RIMBP2: variants seen among roughly 807,000 people sequenced by gnomAD.
The protein encoded by RIMBP2 is RIMS-binding protein 2.
RIMBP2 carries 48 observed loss-of-function variants against 118.6 expected under a neutral mutation model. The ratio of observed to expected loss-of-function variants is 0.40; its 90% CI spans 0.32 to 0.51. RIMBP2 has a LOEUF of 0.51. Among genes scored for constraint, RIMBP2 ranks in the 20% least tolerant of loss-of-function variants. The pLI is 0.41. For synonymous variants in RIMBP2, 762 were observed against 742.9 expected (o/e 1.03, Z -0.42); for missense variants, 1,551 against 1,768.3 (o/e 0.88, Z 2.20).
At chr12:130,415,637 T>C (rs1404298057) in intron 17 of RIMBP2, among the ~76,000 whole-genome samples, 1 of 78,606 alleles carries the variant, frequency 1.3e-5, no homozygotes, top group Non-Finnish European at 3.3e-5. Context: ...ACGGCATCCA[T>C]ATAGGAAACA....
At chr12:130,451,891 T>C (rs1157314761) in intron 7 of RIMBP2, among the ~76,000 whole-genome samples, 1 of 152,204 alleles carries the variant, frequency 6.6e-6, no homozygotes, top group Non-Finnish European at 1.5e-5. Context: ...CTGTCACTTA[T>C]GACCCTGAGT....
At chr12:130,580,969 A>G (rs201403836) in intron 2 of RIMBP2, among the ~76,000 whole-genome samples, 3 of 150,412 alleles carry the variant, frequency 2.0e-5, no homozygotes, top group East Asian at 1.9e-4. Context: ...GTGTGTGTGT[A>G]TGTATATATA....
Position 130,535,742 on chromosome 12 carries a change from T to C in RIMBP2, c.-216-17825A>G, listed in dbSNP as rs879649558. Among the ~76,000 whole-genome samples, 80 of 23,108 alleles carry C rather than the reference T, an allele frequency of 3.5e-3. 1 individual carries two copies. The highest frequency in any genetic ancestry group is 7.4e-3 in the African/African-American group (64 of 8,634). The allele number at this position is 23,108 out of a possible 152,430, so 15.2% of individuals were successfully genotyped here. Reference sequence around the variant, plus strand: ...ACATATATATACATATATATACATATATATATATATATATATATATATATA... The same window carrying C: ...ACATATATATACATATATATACATACATATATATATATATATATATATATA... On this transcript the variant is annotated intron_variant, in intron 2 of 22. Coordinates refer to ENST00000690449, the MANE Select transcript of RIMBP2 (RefSeq NM_001393629.1).
At chr12:130,645,354 A>G (rs1389352394) in intron 1 of RIMBP2, among the ~76,000 whole-genome samples, 4 of 152,150 alleles carry the variant, frequency 2.6e-5, no homozygotes, top group Non-Finnish European at 5.9e-5. Flanking sequence ...CCCAAAACCA[A>G]CTTCTATTAT....
At chr12:130,610,551 C>CCT (rs1232222327) in intron 2 of RIMBP2, among the ~76,000 whole-genome samples, 2 of 81,548 alleles carry the variant, frequency 2.5e-5, no homozygotes, top group East Asian at 3.4e-4. Context: ...AATTTTCCTG[C>CCT]TTTTTTTTTT....
At chr12:130,477,494 G>T (rs1034516167) in intron 5 of RIMBP2, among the ~76,000 whole-genome samples, 1 of 152,148 alleles carries the variant, frequency 6.6e-6, no homozygotes, top group Admixed American at 6.5e-5. Flanking sequence ...ATTCCTGCCC[G>T]TGTCCCAGCA....
At chr12:130,497,875 A>T (rs1406435039) in intron 4 of RIMBP2, among the ~76,000 whole-genome samples, 1 of 152,232 alleles carries the variant, frequency 6.6e-6, no homozygotes, top group African/African-American at 2.4e-5. Flanking sequence ...GGTTAAATGC[A>T]ACAAGGAGTG....
At chr12:130,496,725 G>A (rs1261398683) in intron 4 of RIMBP2, among the ~76,000 whole-genome samples, 2 of 152,108 alleles carry the variant, frequency 1.3e-5, no homozygotes, top group Non-Finnish European at 2.9e-5. Flanking sequence ...CCTCCTTCAG[G>A]CACACCTTTC....
At chr12:130,486,684 C>T (rs1182413854) in intron 4 of RIMBP2, among the ~76,000 whole-genome samples, 3 of 151,334 alleles carry the variant, frequency 2.0e-5, no homozygotes, top group African/African-American at 2.4e-5. Context: ...CCCCCTTTCC[C>T]GCCTTGTTCA....
intron 3 of RIMBP2, among the ~76,000 whole-genome samples, chr12:130,514,454 A>C (rs1330211358): frequency 6.6e-6 from 1 of 152,050 alleles, no homozygotes; most frequent in Non-Finnish European, 1.5e-5. Context: ...TGGGACCCCC[A>C]CCTCCGCCGG....
intron 1 of RIMBP2, among the ~76,000 whole-genome samples, chr12:130,640,119 G>A (rs893613215): frequency 6.6e-5 from 10 of 152,092 alleles, no homozygotes; most frequent in African/African-American, 1.9e-4. Flanking sequence ...TGTTATTCTC[G>A]ATCACAGACA....
At chr12:130,685,712 A>G (rs967286579) in intron 1 of RIMBP2, among the ~76,000 whole-genome samples, 10 of 152,104 alleles carry the variant, frequency 6.6e-5, no homozygotes. Context: ...TATGTTCTAA[A>G]AGCAGATCAC....
intron 12 of RIMBP2, 81 bp from the exon 13 acceptor site, chr12:130,437,372 C>T (rs1319907740): frequency 1.7e-6 from 2 of 1,168,884 alleles, no homozygotes; most frequent in Non-Finnish European, 2.4e-6. Flanking sequence ...CAGTCCTCTG[C>T]CCAGAGGCCA....
At chr12:130,614,152 C>T (rs2060751574) in intron 2 of RIMBP2, among the ~76,000 whole-genome samples, 1 of 152,200 alleles carries the variant, frequency 6.6e-6, no homozygotes, top group Admixed American at 6.5e-5. Flanking sequence ...AACACAGTTG[C>T]ACGTATACTA....
chr12:130,436,154 C>T (rs1279957700), intron 13 of RIMBP2, among the ~76,000 whole-genome samples: 1 of 152,216 alleles, frequency 6.6e-6, no homozygotes, highest in African/African-American at 2.4e-5. Flanking sequence ...CTTCCCCTAG[C>T]CCTGCACGGG....
At chr12:130,604,291 TAA>T (rs71088765) in intron 2 of RIMBP2, among the ~76,000 whole-genome samples, 57,280 of 135,970 alleles carry the variant, frequency 0.42, 11,626 homozygotes, top group Admixed American at 0.53. Context: ...TTTTAAAAAG[TAA>T]AAAAAAAAAA....
chr12:130,419,546 A>G lies in RIMBP2; in HGVS notation c.3238+2907T>C, dbSNP rs2076294999. Reference sequence around the variant, plus strand: ...GAGTTGACAGCTTTTGATTTTTTTTATTGCAGGGAAACCTGAAGAAAAGAG... The same window carrying G: ...GAGTTGACAGCTTTTGATTTTTTTTGTTGCAGGGAAACCTGAAGAAAAGAG... On this transcript the variant is annotated intron_variant, in intron 17 of 22. Coordinates refer to ENST00000690449, the MANE Select transcript of RIMBP2 (RefSeq NM_001393629.1). This position sits in a 1 kb window ranked among gnomAD's most constrained non-coding sequence, Gnocchi z 4.3. 6.6e-6 allele frequency: 1 copy of G among 152,176 alleles called. No individual in the cohort carries two copies. Among genetic ancestry groups the G allele is most frequent in the South Asian group, 2.1e-4 (1 of 4,824 alleles). 9.4% of individuals were successfully genotyped at this position (152,176 alleles called of 1,614,324 possible).
rs986806778 is a variant in RIMBP2 at position 130,713,169 on chromosome 12, GAGA to G, written c.-352+3050_-352+3052del. On this transcript the variant is annotated intron_variant, in intron 1 of 22. Coordinates refer to ENST00000690449, the MANE Select transcript of RIMBP2 (RefSeq NM_001393629.1). ...TGAAAGAAACGGAATAAAAGAGTGA[GAGA>G]AGAAGGAAGGAAGGAAAGAAGGAAG... Among the ~76,000 whole-genome samples, 21 of 149,526 alleles carry G rather than the reference GAGA, an allele frequency of 1.4e-4. 1 individual carries two copies. Among genetic ancestry groups the G allele is most frequent in the Non-Finnish European group, 2.2e-4 (15 of 67,644 alleles).
At chr12:130,437,413 A>C in intron 12 of RIMBP2, 122 bp from the exon 13 acceptor site, 9 of 758,658 alleles carry the variant, frequency 1.2e-5, no homozygotes, top group Admixed American at 2.7e-5. Context: ...GCGACCTCCG[A>C]CTCCAACCAC....
Sources: gnomAD v4.1 joint callset for allele counts (sites outside exome capture counted in the v4.1 genomes callset) on GRCh38, gnomAD v4.1.1 for gene constraint, Gnocchi (gnomAD v3.1) non-coding constraint, MANE v1.5 for transcripts, NCBI Gene and HGNC (gene_info 2026-07-23, HGNC 2026-07-21) for gene names.